The following ITPKB variants were observed in gnomAD, a reference collection of about 807,000 sequenced individuals.
ITPKB encodes the protein inositol-trisphosphate 3-kinase B, also known as IP3 3-kinase B.
A neutral mutation model predicts 69.4 loss-of-function variants in ITPKB; 13 were observed. The ratio of observed to expected loss-of-function variants is 0.19; its 90% CI spans 0.12 to 0.30. The LOEUF is 0.30. Ranked by LOEUF, ITPKB falls within the 10% of genes least tolerant of loss-of-function variation. ITPKB has a pLI of 1.00. For missense variants in ITPKB, 1,240 were observed against 1,250.5 expected (o/e 0.99, Z 0.13); for synonymous variants, 584 against 513.7 (o/e 1.14, Z -1.85).
rs1412059527 is a variant in ITPKB at position 226,642,285 on chromosome 1, A to C, written c.2247-160T>G. 1.3e-5 allele frequency among the ~76,000 whole-genome samples: 2 copies of C among 152,036 alleles called. No homozygotes were observed. Among genetic ancestry groups the C allele is most frequent in the Non-Finnish European group, 2.9e-5 (2 of 67,994 alleles). Reference sequence around the variant, plus strand: ...AGGCACGTCTTTCCGAGGGGACGGCAGACTCTGTTCCAGCTGGGGCTGGCT... The same window carrying C: ...AGGCACGTCTTTCCGAGGGGACGGCCGACTCTGTTCCAGCTGGGGCTGGCT... On this transcript the variant is annotated intron_variant, in intron 4 of 7. Coordinates refer to ENST00000429204, the MANE Select transcript of ITPKB (RefSeq NM_002221.4). This position sits in a 1 kb window ranked among gnomAD's most constrained non-coding sequence, Gnocchi z 6.4.
intron 2 of ITPKB, among the ~76,000 whole-genome samples, chr1:226,682,003 T>C (rs1424677249): frequency 6.6e-6 from 1 of 152,200 alleles, no homozygotes; most frequent in Non-Finnish European, 1.5e-5. Flanking sequence ...GGCTGAAGAA[T>C]TTCTCAGCCT....
At chr1:226,681,799 T>G (rs1656099235) in intron 2 of ITPKB, among the ~76,000 whole-genome samples, 1 of 152,098 alleles carries the variant, frequency 6.6e-6, no homozygotes, top group African/African-American at 2.4e-5. Context: ...AAACAAAATT[T>G]CCAACTCTCC....
In ITPKB at chr1:226,736,454, G is replaced by A. The variant is rs755039028; in HGVS notation, c.1005C>T (p.Asp335=). The A allele has an allele frequency of 6.9e-5, 111 of 1,613,548 alleles. No individual in the cohort carries two copies. Among genetic ancestry groups the A allele is most frequent in the Non-Finnish European group, 8.9e-5 (105 of 1,180,036 alleles). ...EPSGRARELE[D]LQPPEALVER... ...CCACCAGGGCCTCTGGGGGCTGCAG[G>A]TCCTCAAGCTCACGGGCTCTCCCAG... Residue 335 remains aspartate (D), a synonymous_variant, in exon 2 of 8, where the codon GAC becomes GAT. Coordinates refer to ENST00000429204, the MANE Select transcript of ITPKB (RefSeq NM_002221.4).
intron 2 of ITPKB, among the ~76,000 whole-genome samples, chr1:226,649,916 G>A (rs983651283): frequency 1.3e-5 from 2 of 152,108 alleles, no homozygotes; most frequent in South Asian, 4.1e-4. Context: ...ACAGGCTGCA[G>A]AGATGAAGAT....
At position 226,739,028 on chromosome 1, in the gene ITPKB, C is replaced by A. The variant is rs1314548192; in HGVS notation, c.-206+13G>T. 3 of 152,286 alleles carry A rather than the reference C, an allele frequency of 2.0e-5. No individual in the cohort carries two copies. The highest frequency in any genetic ancestry group is 4.8e-5 in the African/African-American group (2 of 41,462). 9.4% of individuals were successfully genotyped at this position (152,286 alleles called of 1,614,324 possible). On this transcript the variant is annotated intron_variant, in intron 1 of 7. Coordinates refer to ENST00000429204, the MANE Select transcript of ITPKB (RefSeq NM_002221.4). The stretch of plus-strand genomic sequence containing the variant: ...TTCAGAGGCGAGAGCCATTAAAAGG[C>A]CGCCAAACTTACCTGCAGTTTCTCA...
intron 4 of ITPKB, among the ~76,000 whole-genome samples, chr1:226,646,903 C>A (rs181017888): frequency 1.3e-5 from 2 of 152,356 alleles, no homozygotes; most frequent in East Asian, 3.9e-4. Context: ...AGAACCCAGC[C>A]GGTGCCCTTT....
intron 2 of ITPKB, among the ~76,000 whole-genome samples, chr1:226,659,017 G>A (rs769406703): frequency 2.0e-5 from 3 of 152,178 alleles, no homozygotes; most frequent in Non-Finnish European, 2.9e-5. Context: ...AGACCTGGTC[G>A]GGCTGAAGGC....
At chr1:226,662,678 T>C (rs1669422352) in intron 2 of ITPKB, among the ~76,000 whole-genome samples, 1 of 152,228 alleles carries the variant, frequency 6.6e-6, no homozygotes, top group African/African-American at 2.4e-5. Flanking sequence ...AACTCCCACT[T>C]AAGGAATTTC....
chr1:226,724,341 TCTC>T (rs576377331), intron 2 of ITPKB, among the ~76,000 whole-genome samples: 2 of 152,072 alleles, frequency 1.3e-5, no homozygotes, highest in East Asian at 1.9e-4. Flanking sequence ...CCCCATGACT[TCTC>T]CTCTTCCAAG....
Position 226,729,356 on chromosome 1 carries a change from C to T in ITPKB, c.1932+6171G>A, listed in dbSNP as rs139285248. On this transcript the variant is annotated intron_variant, in intron 2 of 7. Transcript: ENST00000429204. ...AATTATCCGGGCATGGTGGCATGCG[C>T]CTGTAGTCCCAGCTATTCGGAAGGC... Among the ~76,000 whole-genome samples, 666 of 151,646 alleles carry T rather than the reference C, an allele frequency of 4.4e-3. 2 individuals are homozygous for T. The highest frequency in any genetic ancestry group is 6.9e-3 in the Non-Finnish European group (466 of 67,894).
At chr1:226,654,457 TC>T (rs1206970179) in intron 2 of ITPKB, among the ~76,000 whole-genome samples, 1 of 152,154 alleles carries the variant, frequency 6.6e-6, no homozygotes, top group Non-Finnish European at 1.5e-5. Context: ...CTTCCCCTTT[TC>T]CCAGAAGTTC....
chr1:226,633,014 C>T lies in ITPKB; in HGVS notation c.*1657G>A, dbSNP rs1668756340. On this transcript the variant is annotated 3_prime_UTR_variant, in exon 8 of 8. Transcript: ENST00000429204. ...TGCTGCCACGAGGTCTCTCGTGCTC[C>T]ACCGGGCGCGTGTGTGACCTTTAGC... 6.6e-6 allele frequency: 1 copy of T among 152,216 alleles called. No homozygotes were observed. Among genetic ancestry groups the T allele is most frequent in the African/African-American group, 2.4e-5 (1 of 41,438 alleles). The allele number at this position is 152,216 out of a possible 1,614,324, so 9.4% of individuals were successfully genotyped here. A position where few individuals can be genotyped will look rare whatever the true frequency, so the allele number is the denominator to read the frequency against.
intron 2 of ITPKB, among the ~76,000 whole-genome samples, chr1:226,686,559 G>C (rs780842382): frequency 6.6e-6 from 1 of 152,164 alleles, no homozygotes; most frequent in Non-Finnish European, 1.5e-5. Context: ...CATCCTCTGG[G>C]GCCCTGAAAC....
intron 2 of ITPKB, among the ~76,000 whole-genome samples, chr1:226,684,568 T>C (rs1430424720): frequency 6.6e-6 from 1 of 152,188 alleles, no homozygotes. Flanking sequence ...CTGGGGTCTC[T>C]TAAAAGCCCT....
At chr1:226,668,868 T>C (rs186448727) in intron 2 of ITPKB, 1 of 152,356 alleles carries the variant, frequency 6.6e-6, no homozygotes, top group African/African-American at 2.4e-5. Context: ...CCAGAAACTA[T>C]AGTTTTTATT....
chr1:226,639,492 A>G (rs998124427), intron 6 of ITPKB, 65 bp downstream of exon 6: 4 of 1,103,380 alleles, frequency 3.6e-6, no homozygotes, highest in African/African-American at 1.5e-5. Flanking sequence ...GGGCACCTCC[A>G]GAGTAGACAC....
At position 226,735,550 on chromosome 1, in the gene ITPKB, G is replaced by A. The variant is rs1266736777; in HGVS notation, c.1909C>T (p.Leu637=). The stretch of plus-strand genomic sequence containing the variant: ...ACCACTCTAGGTTTCTGCTGGTCCA[G>A]GGTATGCAGGAAGGCTGAGTTGGGG... ...LDPNSAFLHT[L]DQQKPRVSKS... Residue 637 remains leucine, a synonymous_variant, in exon 2 of 8, where the codon CTG becomes TTG. Coordinates refer to ENST00000429204, the MANE Select transcript of ITPKB (RefSeq NM_002221.4). 1.0e-5 allele frequency: 16 copies of A among 1,538,784 alleles called. No homozygotes were observed. The highest frequency in any genetic ancestry group is 2.8e-5 in the African/African-American group (2 of 72,508).
At chr1:226,695,689 C>A (rs1270144122) in intron 2 of ITPKB, among the ~76,000 whole-genome samples, 4 of 152,216 alleles carry the variant, frequency 2.6e-5, no homozygotes, top group Non-Finnish European at 5.9e-5. Flanking sequence ...CTGCTCCATC[C>A]TCACTCTGTC....
chr1:226,667,360 T>C (rs1356724495), intron 2 of ITPKB, among the ~76,000 whole-genome samples: 1 of 152,142 alleles, frequency 6.6e-6, no homozygotes, highest in Non-Finnish European at 1.5e-5. Flanking sequence ...AAGAGTCTGG[T>C]TGAGAAAGCG....
Sources: gnomAD v4.1 joint callset for allele counts (sites outside exome capture counted in the v4.1 genomes callset) on GRCh38, gnomAD v4.1.1 for gene constraint, Gnocchi (gnomAD v3.1) non-coding constraint, MANE v1.5 for transcripts, NCBI Gene and HGNC (gene_info 2026-07-23, HGNC 2026-07-21) for gene names.